MAB21L3: variants seen among roughly 807,000 people sequenced by gnomAD.
MAB21L3 encodes protein mab-21-like 3.
A neutral mutation model predicts 37.7 loss-of-function variants in MAB21L3; 36 were observed. The ratio of observed to expected loss-of-function variants is 0.96; its 90% CI spans 0.73 to 1.26. MAB21L3 has a LOEUF of 1.26. MAB21L3 is among the 50% of genes most tolerant of loss of function. The pLI is 0.00. For missense variants in MAB21L3, 430 were observed against 447.3 expected (o/e 0.96, Z 0.35); for synonymous variants, 186 against 176.8 (o/e 1.05, Z -0.41).
chr1:116,114,475 C>T (rs1207885640), intron 3 of MAB21L3, among the ~76,000 whole-genome samples: 1 of 152,172 alleles, frequency 6.6e-6, no homozygotes, highest in Admixed American at 6.5e-5. Context: ...CAAAGTTACA[C>T]AGCTAAATTG....
rs768817499 is a variant in MAB21L3 at position 116,128,256 on chromosome 1, A to G, written c.772A>G (p.Lys258Glu). ...QLDEDGGCRR[K>E]CFQVMRHLKE... ...GGATGAAGATGGGGGCTGCCGTAGG[A>G]AGTGTTTTCAGGTCATGAGGCACCT... is the stretch of plus-strand genomic sequence containing the variant. The change falls in exon 7 of 8, where the codon AAG becomes GAG. Residue 258 changes from lysine (K) to glutamate (E), a missense_variant. By Grantham distance (56) the Lys-to-Glu change is moderately conservative. Transcript: ENST00000369500. 1 of 1,614,050 alleles carries G rather than the reference A, an allele frequency of 6.2e-7. No homozygotes were observed. The highest frequency in any genetic ancestry group is 1.7e-5 in the Admixed American group (1 of 60,002).
rs10802159 is a variant in MAB21L3 at position 116,133,414 on chromosome 1, A to C, written c.*49A>C. Reference sequence around the variant, plus strand: ...CTTGGACATTTTATTCTGGCTTAACATTGTTCTTTGGATGGTTCCTCAGTC... The same window carrying C: ...CTTGGACATTTTATTCTGGCTTAACCTTGTTCTTTGGATGGTTCCTCAGTC... On this transcript the variant is annotated 3_prime_UTR_variant, in exon 8 of 8. Coordinates refer to ENST00000369500, the MANE Select transcript of MAB21L3 (RefSeq NM_152367.3). The C allele has an allele frequency of 0.26, 400,199 of 1,541,162 alleles. 64,127 individuals are homozygous for C. Among genetic ancestry groups the C allele is most frequent in the African/African-American group, 0.8 (58,641 of 73,526 alleles).
At position 116,112,627 on chromosome 1, in the gene MAB21L3, T is replaced by C. The variant is rs779756027; in HGVS notation, c.12T>C (p.Leu4=). ...CTGACCAAGAAGCCATGAAATACCT[T>C]ACTGTGGGAGACTTAGAAGATTGCC... is the stretch of plus-strand genomic sequence containing the variant. The part of the protein sequence containing the change: MKY[L]TVGDLEDCLL... The change falls in exon 3 of 8, where the codon CTT becomes CTC. Residue 4 remains leucine, a synonymous_variant. Transcript: ENST00000369500. 6.2e-7 allele frequency: 1 copy of C among 1,613,144 alleles called. No homozygotes were observed. Among genetic ancestry groups the C allele is most frequent in the Non-Finnish European group, 8.5e-7 (1 of 1,179,888 alleles).
In MAB21L3 at chr1:116,128,161, T is replaced by C. The variant is rs759732543; in HGVS notation, c.677T>C (p.Leu226Ser). 2 of 1,613,150 alleles carry C rather than the reference T, an allele frequency of 1.2e-6. No homozygotes were observed. The highest frequency in any genetic ancestry group is 1.7e-6 in the Non-Finnish European group (2 of 1,179,584). ...TTCTTCCAGTCGTTTGGATTTAACT[T>C]GTTGGCCTGTTCAAATTATCACTGG... ...VECIKSFGFN[L>S]LACSNYHWQL... The change falls in exon 7 of 8, where the codon TTG becomes TCG. Residue 226 changes from leucine (L) to serine (S), a missense_variant. Physicochemically the swap from Leu to Ser is moderately radical, Grantham distance 145. Transcript: ENST00000369500.
At chr1:116,113,826 C>T (rs1360753126) in intron 3 of MAB21L3, among the ~76,000 whole-genome samples, 3 of 152,168 alleles carry the variant, frequency 2.0e-5, no homozygotes, top group African/African-American at 7.2e-5. Context: ...GTTTGCTAGC[C>T]AGAGCACGTG....
chr1:116,113,034 A>G (rs1473173632), intron 3 of MAB21L3, among the ~76,000 whole-genome samples: 1 of 152,230 alleles, frequency 6.6e-6, no homozygotes, highest in Non-Finnish European at 1.5e-5. Context: ...TAATGGAAAA[A>G]GAGCTAATGA....
chr1:116,126,347 C>G (rs771883078), intron 5 of MAB21L3, among the ~76,000 whole-genome samples: 5 of 152,122 alleles, frequency 3.3e-5, no homozygotes, highest in Admixed American at 6.5e-5. Flanking sequence ...CTACTAGATG[C>G]GTTAGTTTTC....
intron 4 of MAB21L3, among the ~76,000 whole-genome samples, chr1:116,122,040 G>T (rs1458249075): frequency 6.6e-6 from 1 of 152,158 alleles, no homozygotes; most frequent in Non-Finnish European, 1.5e-5. Flanking sequence ...TATTCGTTTT[G>T]TTCCTAGCAC....
chr1:116,137,862 C>G lies in MAB21L3; in HGVS notation c.*4497C>G. Among the ~76,000 whole-genome samples, 1 of 150,520 alleles carries G rather than the reference C, an allele frequency of 6.6e-6. No homozygotes were observed. Among genetic ancestry groups the G allele is most frequent in the Non-Finnish European group, 1.5e-5 (1 of 67,852 alleles). ...ATTGGAAATCATCATTCTCAGTAAACTATCGCAAGAACAAAAAACCAAACA... is the reference window on the plus strand; with the variant it reads ...ATTGGAAATCATCATTCTCAGTAAAGTATCGCAAGAACAAAAAACCAAACA... On this transcript the variant is annotated 3_prime_UTR_variant, in exon 8 of 8. Coordinates refer to ENST00000369500, the MANE Select transcript of MAB21L3 (RefSeq NM_152367.3).
At chr1:116,129,761 T>C (rs1660016061) in intron 7 of MAB21L3, among the ~76,000 whole-genome samples, 1 of 152,244 alleles carries the variant, frequency 6.6e-6, no homozygotes, top group Non-Finnish European at 1.5e-5. Flanking sequence ...AATGAGTGGC[T>C]TCACATCTTA....
rs1233424729 is a variant in MAB21L3, at chr1:116,130,342, G to C, written c.855+2003G>C. Among the ~76,000 whole-genome samples, 8 of 152,328 alleles carry C rather than the reference G, an allele frequency of 5.3e-5. No homozygotes were observed. The East Asian group carries it at 1.4e-3, about 26-fold the overall frequency. On this transcript the variant is annotated intron_variant, in intron 7 of 7. Coordinates refer to ENST00000369500, the MANE Select transcript of MAB21L3 (RefSeq NM_152367.3). ...TGTTTCAATCCTCCCTGACCCACCT[G>C]TGTGGCACAATAGGGCATCCTCAAG...
chr1:116,124,291 C>T lies in MAB21L3; in HGVS notation c.415C>T (p.Pro139Ser). The T allele has an allele frequency of 6.2e-7, 1 of 1,614,120 alleles. No individual in the cohort carries two copies. Among genetic ancestry groups the T allele is most frequent in the Non-Finnish European group, 8.5e-7 (1 of 1,180,034 alleles). Reference sequence around the variant, plus strand: ...TGTGAACATCGACGGAGACATTGTGCCTGCCAAGGTCCTCCTAGTGTTCCG... The same window carrying T: ...TGTGAACATCGACGGAGACATTGTGTCTGCCAAGGTCCTCCTAGTGTTCCG... ...TDVNIDGDIV[P>S]AKVLLVFRKL... The change falls in exon 5 of 8, where the codon CCT becomes TCT. Residue 139 changes from proline to serine, a missense_variant. Coordinates refer to ENST00000369500, the MANE Select transcript of MAB21L3 (RefSeq NM_152367.3).
At position 116,128,332 on chromosome 1, in the gene MAB21L3, A is replaced by G; in HGVS notation, c.848A>G (p.His283Arg). Residue 283 changes from histidine to arginine, a missense_variant, in exon 7 of 8, where the codon CAT becomes CGT. Physicochemically the swap from His to Arg is conservative, Grantham distance 29. Coordinates refer to ENST00000369500, the MANE Select transcript of MAB21L3 (RefSeq NM_152367.3). Reference sequence around the variant, plus strand: ...AACAGGCCGGTTATCACGTCCCACCATCTGCAGGTGAGTGTGGGGCAGGTT... The same window carrying G: ...AACAGGCCGGTTATCACGTCCCACCGTCTGCAGGTGAGTGTGGGGCAGGTT... The part of the protein sequence containing the change: ...PGNRPVITSH[H>R]LQTVLFWTCE... The G allele has an allele frequency of 5.6e-6, 9 of 1,611,378 alleles. No individual in the cohort carries two copies. The highest frequency in any genetic ancestry group is 7.6e-6 in the Non-Finnish European group (9 of 1,179,242).
Position 116,120,163 on chromosome 1 carries a change from C to T in MAB21L3, c.49-769C>T, listed in dbSNP as rs143336417. Among the ~76,000 whole-genome samples the T allele has an allele frequency of 8.4e-3, 1,286 of 152,190 alleles. 8 individuals carry two copies. The highest frequency in any genetic ancestry group is 0.034 in the Middle Eastern group (10 of 294). ...TCCAAACTCACCTCCTATCACTTTC[C>T]TTTTGCCAGATCCAACCACAATGGC... On this transcript the variant is annotated intron_variant, in intron 3 of 7. Coordinates refer to ENST00000369500, the MANE Select transcript of MAB21L3 (RefSeq NM_152367.3).
Position 116,134,084 on chromosome 1 carries a change from T to G in MAB21L3, c.*719T>G, listed in dbSNP as rs1660151568. 6.6e-6 allele frequency: 1 copy of G among 151,768 alleles called. No individual in the cohort carries two copies. The highest frequency in any genetic ancestry group is 2.4e-5 in the African/African-American group (1 of 41,018). The allele number at this position is 151,768 out of a possible 1,614,324, so 9.4% of individuals were successfully genotyped here. The stretch of plus-strand genomic sequence containing the variant: ...TAAGCAGGGAGGGGAATGGTTTTGA[T>G]GATAAGTGTAAGTCAAAGATGAAAG... On this transcript the variant is annotated 3_prime_UTR_variant, in exon 8 of 8. Transcript: ENST00000369500.
chr1:116,122,815 G>A (rs1395442273), intron 4 of MAB21L3, among the ~76,000 whole-genome samples: 1 of 152,174 alleles, frequency 6.6e-6, no homozygotes, highest in Non-Finnish European at 1.5e-5. Context: ...CCACTTATAT[G>A]ACTAATAACA....
At chr1:116,126,405 T>C (rs1490496912) in intron 5 of MAB21L3, among the ~76,000 whole-genome samples, 1 of 152,214 alleles carries the variant, frequency 6.6e-6, no homozygotes, top group Non-Finnish European at 1.5e-5. Context: ...GAGACTTCTT[T>C]CAAATCACTC....
chr1:116,127,102 TACTA>T (rs1659928745), intron 5 of MAB21L3, among the ~76,000 whole-genome samples: 1 of 152,220 alleles, frequency 6.6e-6, no homozygotes, highest in Non-Finnish European at 1.5e-5. Flanking sequence ...GGAGCATCTA[TACTA>T]CACTTTTTCT....
chr1:116,124,051 C>T lies in MAB21L3; in HGVS notation c.190-15C>T. 1 of 1,577,732 alleles carries T rather than the reference C, an allele frequency of 6.3e-7. No individual in the cohort carries two copies. Among genetic ancestry groups the T allele is most frequent in the Non-Finnish European group, 8.6e-7 (1 of 1,161,030 alleles). On this transcript the variant is annotated splice_polypyrimidine_tract_variant and intron_variant, in intron 4 of 7. Coordinates refer to ENST00000369500, the MANE Select transcript of MAB21L3 (RefSeq NM_152367.3). ...TGTGAATTCATGCTTGTTTTCAATCCTTTCCTGACCCTAGGTTTTGGCTCC... is the reference window on the plus strand; with the variant it reads ...TGTGAATTCATGCTTGTTTTCAATCTTTTCCTGACCCTAGGTTTTGGCTCC...
Sources: gnomAD v4.1 joint callset for allele counts (sites outside exome capture counted in the v4.1 genomes callset) on GRCh38, gnomAD v4.1.1 for gene constraint, MANE v1.5 for transcripts, NCBI Gene and HGNC (gene_info 2026-07-23, HGNC 2026-07-21) for gene names.